The following OPCML variants were observed in gnomAD, a reference collection of about 807,000 sequenced individuals.
The protein encoded by OPCML is opioid-binding protein/cell adhesion molecule.
In OPCML, 13 loss-of-function variants were observed where a neutral mutation model predicts 37.8. That is an observed-to-expected ratio of 0.34 (90% CI 0.22 to 0.55). The LOEUF is 0.55. OPCML is among the 20% of genes least tolerant of loss of function. The probability of loss-of-function intolerance (pLI) is 0.91; values close to 1 mark genes in which losing one functional copy is unlikely to be tolerated. For synonymous variants in OPCML, 176 were observed against 168.8 expected, an observed-to-expected ratio of 1.04 and a Z score of -0.33; for missense variants, 341 against 435.6, an observed-to-expected ratio of 0.78 and a Z score of 1.93.
intron 1 of OPCML, among the ~76,000 whole-genome samples, chr11:133,127,915 A>G (rs1381096801): frequency 6.6e-6 from 1 of 152,082 alleles, no homozygotes; most frequent in Admixed American, 6.5e-5. Flanking sequence ...CTGGTTGGCC[A>G]GCAGAAGACG....
intron 1 of OPCML, among the ~76,000 whole-genome samples, chr11:133,258,775 C>G (rs1216376725): frequency 6.6e-6 from 1 of 152,204 alleles, no homozygotes; most frequent in East Asian, 1.9e-4. Context: ...CCAGCTACCC[C>G]CAGCACTGCC....
chr11:133,333,546 G>T (rs1220817398), intron 1 of OPCML, among the ~76,000 whole-genome samples: 1 of 152,216 alleles, frequency 6.6e-6, no homozygotes, highest in African/African-American at 2.4e-5. Context: ...AACTCTGGAA[G>T]ATAACTTAGG....
intron 2 of OPCML, among the ~76,000 whole-genome samples, chr11:132,689,508 A>G (rs998101671): frequency 2.6e-5 from 4 of 152,216 alleles, no homozygotes; most frequent in African/African-American, 9.6e-5. Context: ...AACCTTATCC[A>G]CTGGTTCAAA....
rs557001261 is a variant in OPCML, at chr11:133,059,243, G to A, written c.62-116233C>T. On this transcript the variant is annotated intron_variant, in intron 1 of 7. Coordinates refer to ENST00000524381, the MANE Select transcript of OPCML (RefSeq NM_001012393.5). Reference sequence around the variant, plus strand: ...ATAAAGCTCAAGGAAGACATCTAAAGGGTTTCTGGTCCCAGAGCCTTTGTA... The same window carrying A: ...ATAAAGCTCAAGGAAGACATCTAAAAGGTTTCTGGTCCCAGAGCCTTTGTA... 1.2e-4 allele frequency among the ~76,000 whole-genome samples: 19 copies of A among 152,284 alleles called. 1 individual carries two copies. The highest frequency in any genetic ancestry group is 1.2e-3 in the Admixed American group (18 of 15,298).
chr11:133,446,904 A>G (rs1946485261), intron 1 of OPCML, among the ~76,000 whole-genome samples: 1 of 152,252 alleles, frequency 6.6e-6, no homozygotes, highest in South Asian at 2.1e-4. Flanking sequence ...TACATTGCAT[A>G]GATTACTACA....
At chr11:133,269,440 G>A (rs905831613) in intron 1 of OPCML, among the ~76,000 whole-genome samples, 2 of 152,124 alleles carry the variant, frequency 1.3e-5, no homozygotes, top group Admixed American at 6.6e-5. Flanking sequence ...GGGATTTCAC[G>A]GACACCTTCT....
chr11:132,716,562 T>A (rs1360993332), intron 2 of OPCML, among the ~76,000 whole-genome samples: 1 of 152,182 alleles, frequency 6.6e-6, no homozygotes, highest in African/African-American at 2.4e-5. Context: ...AAAAACTTTA[T>A]CAGGAAAATT....
intron 4 of OPCML, among the ~76,000 whole-genome samples, chr11:132,510,924 G>A (rs546820816): frequency 3.3e-5 from 5 of 152,176 alleles, no homozygotes; most frequent in African/African-American, 7.2e-5. Context: ...AGACAAGGAT[G>A]TCAGTATTAC....
intron 1 of OPCML, among the ~76,000 whole-genome samples, chr11:133,253,516 G>T (rs941474045): frequency 6.6e-6 from 1 of 152,074 alleles, no homozygotes; most frequent in Non-Finnish European, 1.5e-5. Flanking sequence ...CACCATGTTG[G>T]CCAGGCTGGT....
At chr11:132,462,660 C>T (rs1302887487) in intron 4 of OPCML, among the ~76,000 whole-genome samples, 1 of 152,210 alleles carries the variant, frequency 6.6e-6, no homozygotes, top group African/African-American at 2.4e-5. Context: ...AATTACATTG[C>T]ATAACCTCTC....
chr11:133,425,090 T>C (rs535409268), intron 1 of OPCML, among the ~76,000 whole-genome samples: 11 of 152,328 alleles, frequency 7.2e-5, no homozygotes, highest in South Asian at 2.1e-4. Context: ...CTTAGAAAGA[T>C]AGATTGTTCA....
Position 133,141,000 on chromosome 11 carries a change from C to CGAAGACGAAGACGAA in OPCML, c.62-197991_62-197990insTTCGTCTTCGTCTTC, listed in dbSNP as rs1218067845. Reference sequence around the variant, plus strand: ...AAGAAGAAGAAGAAGAAGAAGAAGACGACGACGACGACGACGACGACGACG... The same window carrying CGAAGACGAAGACGAA: ...AAGAAGAAGAAGAAGAAGAAGAAGACGAAGACGAAGACGAAGACGACGACGACGACGACGACGACG... On this transcript the variant is annotated intron_variant, in intron 1 of 7. Transcript: ENST00000524381. Among the ~76,000 whole-genome samples the CGAAGACGAAGACGAA allele has an allele frequency of 6.1e-3, 27 of 4,414 alleles. 9 individuals are homozygous for CGAAGACGAAGACGAA. The highest frequency in any genetic ancestry group is 8.3e-3 in the African/African-American group (20 of 2,414). The allele number at this position is 4,414 out of a possible 152,430, so 2.9% of individuals were successfully genotyped here. A position where few individuals can be genotyped will look rare whatever the true frequency, so the allele number is the denominator to read the frequency against.
chr11:133,444,534 C>A (rs1435034039), intron 1 of OPCML, among the ~76,000 whole-genome samples: 3 of 151,956 alleles, frequency 2.0e-5, no homozygotes, highest in African/African-American at 7.3e-5. Context: ...TGGTTAATGT[C>A]CCACAGAACA....
At chr11:132,513,589 G>T (rs2096273621) in intron 4 of OPCML, among the ~76,000 whole-genome samples, 3 of 152,074 alleles carry the variant, frequency 2.0e-5, no homozygotes, top group Admixed American at 6.6e-5. Flanking sequence ...AGTATACCAT[G>T]CAATTTCCCA....
At chr11:133,445,223 A>C (rs7110422) in intron 1 of OPCML, among the ~76,000 whole-genome samples, 24,552 of 118,846 alleles carry the variant, frequency 0.21, 428 homozygotes, top group African/African-American at 0.35. Context: ...GACCACCATA[A>C]CCCATCTACA....
intron 1 of OPCML, among the ~76,000 whole-genome samples, chr11:133,049,211 A>G (rs1416589539): frequency 6.6e-6 from 1 of 152,238 alleles, no homozygotes; most frequent in Non-Finnish European, 1.5e-5. Flanking sequence ...TTACATAAAA[A>G]GGAACTTACG....
intron 4 of OPCML, among the ~76,000 whole-genome samples, chr11:132,477,338 A>C (rs2096160110): frequency 6.6e-6 from 1 of 152,096 alleles, no homozygotes; most frequent in African/African-American, 2.4e-5. Flanking sequence ...CAGAGAATCC[A>C]CTCTTCCTGC....
At chr11:132,460,491 C>G (rs1262376366) in intron 4 of OPCML, among the ~76,000 whole-genome samples, 2 of 151,892 alleles carry the variant, frequency 1.3e-5, no homozygotes, top group Admixed American at 1.3e-4. Flanking sequence ...AGAACCATTG[C>G]CAAAGTAGAA....
chr11:133,493,748 T>A (rs1037139019), intron 1 of OPCML, among the ~76,000 whole-genome samples: 1 of 152,188 alleles, frequency 6.6e-6, no homozygotes, highest in African/African-American at 2.4e-5. Flanking sequence ...TTTTTTAATG[T>A]TTTAGACATG....
Sources: gnomAD v4.1 joint callset for allele counts (sites outside exome capture counted in the v4.1 genomes callset) on GRCh38, gnomAD v4.1.1 for gene constraint, MANE v1.5 for transcripts, NCBI Gene and HGNC (gene_info 2026-07-23, HGNC 2026-07-21) for gene names.